C6: variants seen among roughly 807,000 people sequenced by gnomAD.
The protein encoded by C6 is complement component C6.
C6 carries 101 observed loss-of-function variants against 112.9 expected under a neutral mutation model. The ratio of observed to expected loss-of-function variants is 0.89; its 90% CI spans 0.76 to 1.06. The LOEUF (loss-of-function observed/expected upper bound fraction) is 1.06, where lower values mean the gene tolerates loss of function less well. Among genes scored for constraint, C6 ranks in the 50% least tolerant of loss-of-function variants. The probability of loss-of-function intolerance (pLI) is 0.00; values close to 1 mark genes in which losing one functional copy is unlikely to be tolerated. For synonymous variants in C6, 431 were observed against 384.1 expected (o/e 1.12, Z -1.43); for missense variants, 1,202 against 1,104.6 (o/e 1.09, Z -1.25).
intron 5 of C6, among the ~76,000 whole-genome samples, chr5:41,192,847 G>A (rs1750321908): frequency 6.6e-6 from 1 of 152,034 alleles, no homozygotes; most frequent in Non-Finnish European, 1.5e-5. Flanking sequence ...GTGAATTAGT[G>A]GTTTCCTAGG....
In C6 at chr5:41,142,714, C is replaced by G. The variant is rs1050084418; in HGVS notation, c.*111G>C. The G allele has an allele frequency of 1.2e-6, 1 of 851,614 alleles. No individual in the cohort carries two copies. The highest frequency in any genetic ancestry group is 2.0e-6 in the Non-Finnish European group (1 of 496,450). 52.8% of individuals were successfully genotyped at this position (851,614 alleles called of 1,614,324 possible). A position where few individuals can be genotyped will look rare whatever the true frequency, so the allele number is the denominator to read the frequency against. ...CAAACTAACAGAAAATAATTTTTGT[C>G]AGTAACTTTGAGCATGCCAGTCTGC... On this transcript the variant is annotated 3_prime_UTR_variant, in exon 18 of 18. Transcript: ENST00000337836.
At chr5:41,223,405 G>A (rs1454697330) in intron 1 of C6, among the ~76,000 whole-genome samples, 1 of 152,142 alleles carries the variant, frequency 6.6e-6, no homozygotes, top group Non-Finnish European at 1.5e-5. Context: ...CAATAGGCTG[G>A]GTGTCTGGGC....
upstream of C6, among the ~76,000 whole-genome samples, chr5:41,214,568 G>A (rs756464566): frequency 2.6e-5 from 4 of 152,238 alleles, no homozygotes; most frequent in Non-Finnish European, 4.4e-5. Context: ...AAAGTAGAGT[G>A]GTGTGCTGCA....
chr5:41,148,127 T>G (rs1256501075), intron 17 of C6, among the ~76,000 whole-genome samples: 1 of 152,344 alleles, frequency 6.6e-6, no homozygotes, highest in East Asian at 1.9e-4. Flanking sequence ...GATGTAATCT[T>G]AGCTCACAGA....
chr5:41,204,596 T>C (rs1264283197), intron 1 of C6, among the ~76,000 whole-genome samples: 1 of 151,934 alleles, frequency 6.6e-6, no homozygotes, highest in East Asian at 1.9e-4. Context: ...TGAGATCAGA[T>C]ATAAAAATTG....
At position 41,201,669 on chromosome 5, in the gene C6, C is replaced by T. The variant is rs1253595621; in HGVS notation, c.189G>A (p.Gln63=). ...DKYYQENFCE[Q]ICSKQETREC... ...CTCTAGTCTCCTGCTTGCTGCAAATCTGTTCACAAAAGTTTTCCTGGTAGT... is the reference window on the plus strand; with the variant it reads ...CTCTAGTCTCCTGCTTGCTGCAAATTTGTTCACAAAAGTTTTCCTGGTAGT... Residue 63 remains glutamine (Q), a synonymous_variant, in exon 3 of 18, where the codon CAG becomes CAA. Transcript: ENST00000337836. The T allele has an allele frequency of 6.2e-7, 1 of 1,613,558 alleles. No homozygotes were observed. The highest frequency in any genetic ancestry group is 8.5e-7 in the Non-Finnish European group (1 of 1,179,878).
intron 1 of C6, among the ~76,000 whole-genome samples, chr5:41,225,001 T>G (rs1434318504): frequency 6.6e-6 from 1 of 152,308 alleles, no homozygotes; most frequent in Non-Finnish European, 1.5e-5. Context: ...GTTGAGCATT[T>G]TGTTTCATGT....
At chr5:41,195,765 C>T (rs766028125) in intron 5 of C6, 27 bp downstream of exon 5, 1 of 1,610,778 alleles carries the variant, frequency 6.2e-7, no homozygotes, top group East Asian at 2.2e-5. Context: ...CCTGTTCTCC[C>T]CAAGATGATA....
At chr5:41,196,768 G>C (rs975042482) in intron 4 of C6, among the ~76,000 whole-genome samples, 6 of 152,012 alleles carry the variant, frequency 3.9e-5, no homozygotes, top group Non-Finnish European at 7.4e-5. Flanking sequence ...GTAGCAAGTA[G>C]AGTGAGCAAA....
chr5:41,219,270 G>A (rs1739021349), intron 1 of C6, among the ~76,000 whole-genome samples: 1 of 152,090 alleles, frequency 6.6e-6, no homozygotes, highest in African/African-American at 2.4e-5. Context: ...AAAGGAAGCT[G>A]GAAATCATGC....
intron 1 of C6, among the ~76,000 whole-genome samples, chr5:41,250,980 A>G (rs541088218): frequency 1.3e-5 from 2 of 152,284 alleles, no homozygotes; most frequent in East Asian, 3.9e-4. Flanking sequence ...TTTTTTTGTC[A>G]ATCGTTTGAT....
intron 1 of C6, among the ~76,000 whole-genome samples, chr5:41,203,942 C>T (rs1751226479): frequency 6.6e-6 from 1 of 152,144 alleles, no homozygotes; most frequent in African/African-American, 2.4e-5. Context: ...TACTGTGTTA[C>T]TGCAGTATCA....
chr5:41,256,430 A>T (rs1368650300), intron 1 of C6, among the ~76,000 whole-genome samples: 10 of 114,922 alleles, frequency 8.7e-5, no homozygotes, highest in Non-Finnish European at 1.4e-4. Flanking sequence ...AAGTATAATT[A>T]AAAAAAAAAA....
At chr5:41,251,902 A>G (rs1284518519) in intron 1 of C6, among the ~76,000 whole-genome samples, 1 of 152,186 alleles carries the variant, frequency 6.6e-6, no homozygotes, top group Non-Finnish European at 1.5e-5. Context: ...AGTCTCTGCT[A>G]AGGGAAAAGA....
At chr5:41,146,531 C>A (rs73750292) in intron 17 of C6, among the ~76,000 whole-genome samples, 3,289 of 152,210 alleles carry the variant, frequency 0.022, 126 homozygotes, top group African/African-American at 0.074. Context: ...TAGTGCTAAT[C>A]CAAACAGAAC....
rs2150266129 is a variant in C6, at chr5:41,160,287, C to G, written c.1539G>C (p.Glu513Asp). The G allele has an allele frequency of 1.2e-6, 2 of 1,613,876 alleles. No individual in the cohort carries two copies. Among genetic ancestry groups the G allele is most frequent in the Admixed American group, 1.7e-5 (1 of 59,982 alleles). ...GGCAAGGATCGAACTTGGCTGCATA[C>G]TCTTGCAAAGCTTTCCTGAGGTTGT... ...KRNNLRKALQ[E>D]YAAKFDPCQC... The change falls in exon 11 of 18, where the codon GAG (glutamate) becomes GAC (aspartate). Residue 513 changes from glutamate to aspartate, a missense_variant. Physicochemically the swap from Glu to Asp is conservative, Grantham distance 45 (BLOSUM62 2). Coordinates refer to ENST00000337836, the MANE Select transcript of C6 (RefSeq NM_000065.5).
chr5:41,258,449 G>T (rs1741849484), intron 1 of C6, among the ~76,000 whole-genome samples: 1 of 152,172 alleles, frequency 6.6e-6, no homozygotes, highest in South Asian at 2.1e-4. Context: ...AAATAGGAAG[G>T]TTATATGTTA....
chr5:41,252,586 T>G (rs1432692464), intron 1 of C6, among the ~76,000 whole-genome samples: 3 of 152,232 alleles, frequency 2.0e-5, no homozygotes, highest in Non-Finnish European at 4.4e-5. Context: ...TTCTTTGATG[T>G]ATTTTGAAAT....
At chr5:41,227,240 TC>T (rs1280010977) in intron 1 of C6, among the ~76,000 whole-genome samples, 2 of 152,284 alleles carry the variant, frequency 1.3e-5, no homozygotes, top group African/African-American at 4.8e-5. Context: ...TTCCTGTTGG[TC>T]ATTTGTATGT....
Sources: allele counts gnomAD v4.1 joint callset (sites outside exome capture counted in the v4.1 genomes callset), GRCh38; gene constraint gnomAD v4.1.1; transcripts MANE v1.5; gene names NCBI Gene and HGNC (gene_info 2026-07-23, HGNC 2026-07-21).